ZNF787: variants seen among roughly 807,000 people sequenced by gnomAD.
ZNF787 encodes the protein zinc finger protein 787.
In ZNF787, 7 loss-of-function variants were observed where a neutral mutation model predicts 16.9. That is an observed-to-expected ratio of 0.42 (90% CI 0.24 to 0.78). ZNF787 has a LOEUF of 0.78. Ranked by LOEUF, ZNF787 falls within the 30% of genes least tolerant of loss-of-function variation. ZNF787 has a pLI of 0.30. For missense variants in ZNF787, 551 were observed against 589.3 expected, an observed-to-expected ratio of 0.94 and a Z score of 0.67; for synonymous variants, 345 against 270.9, an observed-to-expected ratio of 1.27 and a Z score of -2.69.
intron 1 of ZNF787, among the ~76,000 whole-genome samples, chr19:56,109,228 G>A (rs1027518864): frequency 5.9e-5 from 9 of 152,192 alleles, no homozygotes; most frequent in African/African-American, 2.2e-4. Flanking sequence ...GCTACGTATC[G>A]GAACTGGTAG....
Position 56,087,848 on chromosome 19 carries a change from A to T in ZNF787, c.*175T>A. 9.4e-7 allele frequency: 1 copy of T among 1,059,506 alleles called. No individual in the cohort carries two copies. The highest frequency in any genetic ancestry group is 3.7e-5 in the East Asian group (1 of 26,760). The allele number at this position is 1,059,506 out of a possible 1,614,324, so 65.6% of individuals were successfully genotyped here. ...CGAGGCGGAGAAGTGAACGGGCCCT[A>T]ATACGCCCCAGTGCCCCCCCACGGA... On this transcript the variant is annotated 3_prime_UTR_variant, in exon 3 of 3. Transcript: ENST00000610935.
intron 2 of ZNF787, among the ~76,000 whole-genome samples, chr19:56,096,236 T>TAAAAAAATAAAAAAA (rs1490555585): frequency 2.9e-5 from 3 of 102,380 alleles, no homozygotes; most frequent in Non-Finnish European, 4.9e-5. Flanking sequence ...TCTAAAAAAA[T>TAAAAAAATAAAAAAA]AAAAAAAATA....
chr19:56,099,285 G>C (rs973577503), intron 2 of ZNF787, among the ~76,000 whole-genome samples: 13 of 152,220 alleles, frequency 8.5e-5, no homozygotes, highest in Non-Finnish European at 1.3e-4. Context: ...TGAACAGTCT[G>C]CACCCTGAGC....
chr19:56,101,755 G>A (rs1986106537), intron 2 of ZNF787: 1 of 152,252 alleles, frequency 6.6e-6, no homozygotes, highest in Non-Finnish European at 1.5e-5. Context: ...GGGACCAGCA[G>A]TGCCGCGAAT....
At chr19:56,094,618 C>G (rs1985798806) in intron 2 of ZNF787, among the ~76,000 whole-genome samples, 1 of 152,130 alleles carries the variant, frequency 6.6e-6, no homozygotes, top group African/African-American at 2.4e-5. Flanking sequence ...GCCGAGGCTG[C>G]CCCCTCGTTT....
At chr19:56,116,743 A>C (rs927215091) in intron 1 of ZNF787, among the ~76,000 whole-genome samples, 4 of 152,052 alleles carry the variant, frequency 2.6e-5, no homozygotes, top group Non-Finnish European at 5.9e-5. Context: ...GCCTTTGCAC[A>C]GTCCCTTCCT....
chr19:56,109,260 G>GCAGTGAAGGCGAC (rs1194562610), intron 1 of ZNF787, among the ~76,000 whole-genome samples: 2 of 152,334 alleles, frequency 1.3e-5, no homozygotes, highest in East Asian at 3.9e-4. Flanking sequence ...CTGGGGGCCA[G>GCAGTGAAGGCGAC]CAGTGAAGGC....
chr19:56,115,509 C>T (rs2030108402), intron 1 of ZNF787, among the ~76,000 whole-genome samples: 1 of 152,076 alleles, frequency 6.6e-6, no homozygotes, highest in East Asian at 1.9e-4. Flanking sequence ...CAGGCGCCCA[C>T]CACCACGCCC....
At chr19:56,109,296 T>C (rs989765968) in intron 1 of ZNF787, among the ~76,000 whole-genome samples, 5 of 152,114 alleles carry the variant, frequency 3.3e-5, no homozygotes, top group Non-Finnish European at 7.4e-5. Context: ...GCCACCCCAG[T>C]GCAGCCCCAA....
intron 1 of ZNF787, 38 bp from the exon 2 acceptor site, chr19:56,103,265 G>A (rs774742151): frequency 2.7e-6 from 4 of 1,509,430 alleles, no homozygotes; most frequent in Non-Finnish European, 2.7e-6. Flanking sequence ...CAGAGTTTAT[G>A]GGGTGCCAGG....
At chr19:56,113,378 C>T (rs936381866) in intron 1 of ZNF787, among the ~76,000 whole-genome samples, 2 of 152,186 alleles carry the variant, frequency 1.3e-5, no homozygotes, top group Non-Finnish European at 2.9e-5. Flanking sequence ...AGTATAGACC[C>T]GAGAGAAAAC....
Position 56,087,809 on chromosome 19 carries a change from A to AG in ZNF787, c.*213dup, listed in dbSNP as rs1303353854. The AG allele has an allele frequency of 3.2e-5, 23 of 730,058 alleles. No homozygotes were observed. The highest frequency in any genetic ancestry group is 1.1e-4 in the South Asian group (2 of 18,194). 45.2% of individuals were successfully genotyped at this position (730,058 alleles called of 1,614,324 possible). A position where few individuals can be genotyped will look rare whatever the true frequency, so the allele number is the denominator to read the frequency against. ...AACTTAGGAAGGGCGGGCCAGGCTGAGGGGGCAGAGTCTCGAGGCGGAGAA... is the reference window on the plus strand; with the variant it reads ...AACTTAGGAAGGGCGGGCCAGGCTGAGGGGGGCAGAGTCTCGAGGCGGAGAA... On this transcript the variant is annotated 3_prime_UTR_variant, in exon 3 of 3. Transcript: ENST00000610935.
chr19:56,116,768 C>A (rs1370388781), intron 1 of ZNF787, among the ~76,000 whole-genome samples: 2 of 152,050 alleles, frequency 1.3e-5, no homozygotes, highest in East Asian at 3.9e-4. Flanking sequence ...CCTCACCTGC[C>A]CTCTCAGTAT....
chr19:56,107,505 C>CCG (rs879905042), intron 1 of ZNF787, among the ~76,000 whole-genome samples: 10,409 of 135,308 alleles, frequency 0.077, 424 homozygotes, highest in Non-Finnish European at 0.089. Context: ...CACGGGGTCA[C>CCG]TGTGAGACAA....
intron 1 of ZNF787, among the ~76,000 whole-genome samples, chr19:56,120,253 G>C (rs1433341621): frequency 6.6e-6 from 1 of 152,194 alleles, no homozygotes; most frequent in Non-Finnish European, 1.5e-5. Context: ...CTGTGTCTGT[G>C]GGTCACTTTT....
At chr19:56,113,621 T>C (rs1434377933) in intron 1 of ZNF787, among the ~76,000 whole-genome samples, 1 of 152,074 alleles carries the variant, frequency 6.6e-6, no homozygotes, top group Non-Finnish European at 1.5e-5. Flanking sequence ...CGATTCTATT[T>C]ATGCGCCTGC....
intron 2 of ZNF787, among the ~76,000 whole-genome samples, chr19:56,100,123 AG>A (rs1319378363): frequency 4.6e-5 from 7 of 152,146 alleles, no homozygotes; most frequent in African/African-American, 1.7e-4. Context: ...GAGCTGAGGA[AG>A]GGTCCGGGGT....
Position 56,088,417 on chromosome 19 carries a change from C to A in ZNF787, c.755G>T (p.Gly252Val). Residue 252 changes from glycine to valine, a missense_variant, in exon 3 of 3, where the codon GGG becomes GTG. Gly to Val is a moderately radical substitution (Grantham distance 109). Transcript: ENST00000610935. The surrounding 1 kb of genome is among the most constrained non-coding windows in gnomAD (Gnocchi z 8.6). Reference protein sequence around the residue: ...GIIVVGAPGEGAAAAAAMAGA... With the variant: ...GIIVVGAPGEVAAAAAAMAGA... ...CGCCATGGCTGCCGCGGCCGCGGCC[C>A]CCTCGCCCGGCGCGCCCACCACGAT... The A allele has an allele frequency of 8.7e-7, 1 of 1,151,152 alleles. No individual in the cohort carries two copies. Among genetic ancestry groups the A allele is most frequent in the Non-Finnish European group, 1.1e-6 (1 of 936,496 alleles). The allele number at this position is 1,151,152 out of a possible 1,614,324, so 71.3% of individuals were successfully genotyped here.
rs945278598 is a variant in ZNF787 at position 56,087,366 on chromosome 19, G to C, written c.*657C>G. 6.6e-6 allele frequency: 1 copy of C among 151,792 alleles called. No homozygotes were observed. Among genetic ancestry groups the C allele is most frequent in the Non-Finnish European group, 1.5e-5 (1 of 68,114 alleles). The allele number at this position is 151,792 out of a possible 1,614,324, so 9.4% of individuals were successfully genotyped here. The stretch of plus-strand genomic sequence containing the variant: ...CGGACTCAAGAACCACGCAGAGGGG[G>C]ACATTTGGATAGTGCCGTTTATTGT... On this transcript the variant is annotated 3_prime_UTR_variant, in exon 3 of 3. Transcript: ENST00000610935.
Sources: gnomAD v4.1 joint callset for allele counts (sites outside exome capture counted in the v4.1 genomes callset) on GRCh38, gnomAD v4.1.1 for gene constraint, Gnocchi (gnomAD v3.1) non-coding constraint, MANE v1.5 for transcripts, NCBI Gene and HGNC (gene_info 2026-07-23, HGNC 2026-07-21) for gene names.